Variants in BIVM observed in about 807,000 individuals in gnomAD.
BIVM encodes the protein basic, immunoglobulin-like variable motif containing, also known as basic immunoglobulin-like variable motif-containing protein.
BIVM carries 31 observed loss-of-function variants against 61.4 expected under a neutral mutation model. The observed-to-expected ratio is 0.51, with a 90% CI of 0.38 to 0.68. The LOEUF is 0.68. BIVM is among the 30% of genes least tolerant of loss of function. The probability of loss-of-function intolerance (pLI) is 0.00; values close to 1 mark genes in which losing one functional copy is unlikely to be tolerated. For synonymous variants in BIVM, 189 were observed against 210.7 expected, an observed-to-expected ratio of 0.90 and a Z score of 0.89; for missense variants, 526 against 596.0, an observed-to-expected ratio of 0.88 and a Z score of 1.22.
At chr13:102,836,339 G>GTT (rs1881470846) in intron 9 of BIVM, among the ~76,000 whole-genome samples, 1 of 152,044 alleles carries the variant, frequency 6.6e-6, no homozygotes, top group African/African-American at 2.4e-5. Context: ...TTGAGACAGG[G>GTT]TCTCTCTCTA....
rs374568565 is a variant in BIVM at position 102,822,216 on chromosome 13, T to TAC, written c.901+66_901+67dup. The TAC allele has an allele frequency of 7.5e-3, 10,969 of 1,457,568 alleles. 53 individuals carry two copies. The highest frequency in any genetic ancestry group is 9.4e-3 in the Non-Finnish European group (9,950 of 1,053,546). The allele number at this position is 1,457,568 out of a possible 1,614,324, so 90.3% of individuals were successfully genotyped here. A position where few individuals can be genotyped will look rare whatever the true frequency, so the allele number is the denominator to read the frequency against. ...ACATACACACATGCACACACACACA[T>TAC]ACACACACACGGTTTAGAGTTCGTC... On this transcript the variant is annotated intron_variant, in intron 7 of 10. Transcript: ENST00000257336.
intron 4 of BIVM, 67 bp from the exon 5 acceptor site, chr13:102,820,970 T>C: frequency 6.8e-7 from 1 of 1,475,032 alleles, no homozygotes; most frequent in African/African-American, 1.4e-5. Flanking sequence ...TTGCCATGAG[T>C]TTTCTATTTC....
At chr13:102,806,022 C>T (rs1039727490) in intron 2 of BIVM, among the ~76,000 whole-genome samples, 5 of 152,178 alleles carry the variant, frequency 3.3e-5, no homozygotes, top group African/African-American at 1.2e-4. Flanking sequence ...CATGAAATTG[C>T]TGGACCATAT....
intron 7 of BIVM, among the ~76,000 whole-genome samples, chr13:102,823,370 G>A (rs1237858467): frequency 6.6e-6 from 1 of 152,196 alleles, no homozygotes; most frequent in Non-Finnish European, 1.5e-5. Flanking sequence ...TTGTGACCTT[G>A]AACAAGTCAC....
rs1029840755 is a variant in BIVM at position 102,820,673 on chromosome 13, C to T, written c.606-364C>T. The stretch of plus-strand genomic sequence containing the variant: ...GAAGAATCTCTCTGAGAAGTTGACA[C>T]GTGGGGGCAATGGTTTGTTTCTCTT... On this transcript the variant is annotated intron_variant, in intron 4 of 10. Transcript: ENST00000257336. 13 of 203,388 alleles carry T rather than the reference C, an allele frequency of 6.4e-5. 1 individual carries two copies. Among genetic ancestry groups the T allele is most frequent in the African/African-American group, 2.2e-4 (9 of 41,860 alleles). 12.6% of individuals were successfully genotyped at this position (203,388 alleles called of 1,614,324 possible).
intron 8 of BIVM, among the ~76,000 whole-genome samples, chr13:102,834,109 G>T (rs1188872724): frequency 6.6e-6 from 1 of 152,160 alleles, no homozygotes; most frequent in Non-Finnish European, 1.5e-5. Context: ...TTGCTTTAGG[G>T]TTTCATTTTT....
At chr13:102,815,064 C>G (rs2139180849) in intron 3 of BIVM, among the ~76,000 whole-genome samples, 1 of 152,092 alleles carries the variant, frequency 6.6e-6, no homozygotes, top group Non-Finnish European at 1.5e-5. Flanking sequence ...AACAAACAAA[C>G]AAACAAAAAG....
chr13:102,839,212 A>C (rs964978862), intron 10 of BIVM, among the ~76,000 whole-genome samples: 5 of 152,184 alleles, frequency 3.3e-5, no homozygotes, highest in Non-Finnish European at 5.9e-5. Flanking sequence ...GGCTCTCAGG[A>C]AATGATATCT....
intron 9 of BIVM, among the ~76,000 whole-genome samples, chr13:102,835,066 A>G (rs1881367658): frequency 6.6e-6 from 1 of 152,166 alleles, no homozygotes; most frequent in South Asian, 2.1e-4. Context: ...TTATTAAAAT[A>G]TAATTCACAT....
chr13:102,828,164 G>A, intron 7 of BIVM, among the ~76,000 whole-genome samples: 1 of 152,142 alleles, frequency 6.6e-6, no homozygotes, highest in Middle Eastern at 3.2e-3. Flanking sequence ...GAAGTCCAGG[G>A]ATTTTGATAA....
intron 1 of BIVM, among the ~76,000 whole-genome samples, chr13:102,803,520 C>A (rs1274697365): frequency 6.6e-6 from 1 of 151,986 alleles, no homozygotes; most frequent in Non-Finnish European, 1.5e-5. Context: ...CAAATCAAAT[C>A]CCTACACTGT....
At position 102,838,655 on chromosome 13, in the gene BIVM, T is replaced by C. The variant is rs760069967; in HGVS notation, c.1134T>C (p.Ile378=). Reference sequence around the variant, plus strand: ...TTCTTAACTATAGATGGGCAGATATTGTTACTGATCTAAACACTCAAAATC... The same window carrying C: ...TTCTTAACTATAGATGGGCAGATATCGTTACTGATCTAAACACTCAAAATC... The part of the protein sequence containing the change: ...PAIHCKKWAD[I]VTDLNTQNPE... Residue 378 remains isoleucine (I), a synonymous_variant, in exon 10 of 11, where the codon ATT becomes ATC. Coordinates refer to ENST00000257336, the MANE Select transcript of BIVM (RefSeq NM_017693.4). The C allele has an allele frequency of 6.8e-6, 11 of 1,610,620 alleles. No individual in the cohort carries two copies. Among genetic ancestry groups the C allele is most frequent in the South Asian group, 1.1e-5 (1 of 90,400 alleles).
At chr13:102,816,768 T>C (rs2139186838) in intron 4 of BIVM, 1 of 315,716 alleles carries the variant, frequency 3.2e-6, no homozygotes, top group South Asian at 1.1e-4. Flanking sequence ...GGCTTATTAT[T>C]AGAGTCATCT....
chr13:102,802,790 G>T lies in BIVM; in HGVS notation c.-206-2517G>T, dbSNP rs1291725413. ...AGACAGAGTCTTGCTTTGTTGCCCAGGCTAGAGTGCAGTGGTGTGATCATA... is the reference window on the plus strand; with the variant it reads ...AGACAGAGTCTTGCTTTGTTGCCCATGCTAGAGTGCAGTGGTGTGATCATA... On this transcript the variant is annotated intron_variant, in intron 1 of 10. Coordinates refer to ENST00000257336, the MANE Select transcript of BIVM (RefSeq NM_017693.4). Among the ~76,000 whole-genome samples, 3 of 143,686 alleles carry T rather than the reference G, an allele frequency of 2.1e-5. No individual in the cohort carries two copies. In the East Asian group the frequency reaches 6.1e-4, roughly 29 times the overall value. The allele number at this position is 143,686 out of a possible 152,430, so 94.3% of individuals were successfully genotyped here. A position where few individuals can be genotyped will look rare whatever the true frequency, so the allele number is the denominator to read the frequency against.
At chr13:102,811,563 G>C (rs945873470) in intron 3 of BIVM, among the ~76,000 whole-genome samples, 1 of 152,192 alleles carries the variant, frequency 6.6e-6, no homozygotes, top group East Asian at 1.9e-4. Flanking sequence ...TGTTCTTGTT[G>C]CCCAGGTTGG....
At chr13:102,810,887 A>G (rs113395339) in intron 3 of BIVM, among the ~76,000 whole-genome samples, 4 of 152,032 alleles carry the variant, frequency 2.6e-5, no homozygotes, top group Non-Finnish European at 5.9e-5. Flanking sequence ...CATCACCACG[A>G]CTGGCTAATT....
chr13:102,822,582 G>A (rs185942256), intron 7 of BIVM, among the ~76,000 whole-genome samples: 1 of 152,228 alleles, frequency 6.6e-6, no homozygotes, highest in East Asian at 1.9e-4. Context: ...AGACCTGTGT[G>A]GTGACATATA....
At chr13:102,809,783 CTTTCTTTTTTTTT>C (rs1879352836) in intron 3 of BIVM, among the ~76,000 whole-genome samples, 1 of 77,240 alleles carries the variant, frequency 1.3e-5, no homozygotes. Context: ...CTTTTCTTTT[CTTTCTTTTTTTTT>C]TTTTTCTGAG....
intron 3 of BIVM, among the ~76,000 whole-genome samples, chr13:102,809,504 C>G (rs1879331725): frequency 6.6e-6 from 1 of 152,220 alleles, no homozygotes; most frequent in East Asian, 1.9e-4. Context: ...TTAATTATGT[C>G]GAAGTGTTTG....
Sources: gnomAD v4.1 joint callset for allele counts (sites outside exome capture counted in the v4.1 genomes callset) on GRCh38, gnomAD v4.1.1 for gene constraint, MANE v1.5 for transcripts, NCBI Gene and HGNC (gene_info 2026-07-23, HGNC 2026-07-21) for gene names.